Variants in DYNC1H1 observed in about 807,000 individuals in gnomAD.
The protein encoded by DYNC1H1 is dynein cytoplasmic 1 heavy chain 1, also known as cytoplasmic dynein 1 heavy chain 1.
DYNC1H1 carries 51 observed loss-of-function variants against 527.1 expected under a neutral mutation model. That is an observed-to-expected ratio of 0.10 (90% CI 0.08 to 0.12). The LOEUF (loss-of-function observed/expected upper bound fraction) is 0.12. DYNC1H1 is among the 10% of genes least tolerant of loss of function. DYNC1H1 has a pLI of 1.00. For missense variants in DYNC1H1, 2,771 were observed against 5,971.8 expected, an observed-to-expected ratio of 0.46 and a Z score of 17.66; for synonymous variants, 2,189 against 2,278.8, an observed-to-expected ratio of 0.96 and a Z score of 1.12.
chr14:101,983,564 G>A lies in DYNC1H1; in HGVS notation c.1416G>A (p.Gln472=). ...ACCAGATGAGAAAATTTAGACGCCA[G>A]CATGAACAGCTAAGAGCTGTTATCG... The part of the protein sequence containing the change: ...RLDQMRKFRR[Q]HEQLRAVIVR... Residue 472 remains glutamine (Q), a synonymous_variant, in exon 7 of 78, where the codon CAG becomes CAA. Transcript: ENST00000360184. This position sits in a 1 kb window ranked among gnomAD's most constrained non-coding sequence, Gnocchi z 5.3. 1.2e-6 allele frequency: 2 copies of A among 1,614,182 alleles called. No homozygotes were observed. The highest frequency in any genetic ancestry group is 1.1e-5 in the South Asian group (1 of 91,072).
intron 1 of DYNC1H1, 128 bp from the exon 2 acceptor site, chr14:101,975,584 G>T: frequency 1.2e-6 from 1 of 835,674 alleles, no homozygotes; most frequent in Non-Finnish European, 2.0e-6. Flanking sequence ...GGGAAAAATA[G>T]TGCCAAGTCA....
At position 102,017,728 on chromosome 14, in the gene DYNC1H1, A is replaced by G. The variant is rs1406254533; in HGVS notation, c.8177+224A>G. 5 of 765,292 alleles carry G rather than the reference A, an allele frequency of 6.5e-6. No individual in the cohort carries two copies. Among genetic ancestry groups the G allele is most frequent in the Non-Finnish European group, 1.0e-5 (5 of 493,650 alleles). 47.4% of individuals were successfully genotyped at this position (765,292 alleles called of 1,614,324 possible). Reference sequence around the variant, plus strand: ...ACGCCTATAATCCCAGCACTTTGGGAGGCCGAGGCGGGCGGATCACGAGGT... The same window carrying G: ...ACGCCTATAATCCCAGCACTTTGGGGGGCCGAGGCGGGCGGATCACGAGGT... On this transcript the variant is annotated intron_variant, in intron 40 of 77. Transcript: ENST00000360184. The surrounding 1 kb of genome is among the most constrained non-coding windows in gnomAD (Gnocchi z 4.6).
In DYNC1H1 at chr14:102,044,352, C is replaced by T. The variant is rs770105370; in HGVS notation, c.12763C>T (p.Arg4255Cys). 4 of 1,610,696 alleles carry T rather than the reference C, an allele frequency of 2.5e-6. No individual in the cohort carries two copies. The highest frequency in any genetic ancestry group is 3.4e-6 in the Non-Finnish European group (4 of 1,179,182). Reference sequence around the variant, plus strand: ...AATGGCCCAGTCCATTTATGGCGGGCGCGTGGACAACGAGTTTGACCAGCG... The same window carrying T: ...AATGGCCCAGTCCATTTATGGCGGGTGCGTGGACAACGAGTTTGACCAGCG... ...TLMAQSIYGGRVDNEFDQRLL... is the reference protein window; with the variant it reads ...TLMAQSIYGGCVDNEFDQRLL... The change falls in exon 71 of 78, where the codon CGC (arginine) becomes TGC (cysteine). Residue 4255 changes from arginine (R) to cysteine (C), a missense_variant. By Grantham distance (180) the Arg-to-Cys change is radical (BLOSUM62 -3). This residue lies in a region of DYNC1H1 where 195 missense variants were observed against 428.6 expected (regional missense o/e 0.45). Transcript: ENST00000360184. This position sits in a 1 kb window ranked among gnomAD's most constrained non-coding sequence, Gnocchi z 7.1.
At chr14:102,045,997 T>C (rs1275555542) in intron 72 of DYNC1H1, among the ~76,000 whole-genome samples, 1 of 151,844 alleles carries the variant, frequency 6.6e-6, no homozygotes, top group African/African-American at 2.4e-5. Context: ...AAACCCCGTC[T>C]CTACTAAAAA....
chr14:102,011,773 A>C lies in DYNC1H1; in HGVS notation c.6619-102A>C. ...TTTCAGGAAAAAAAAAAAAATCCAC[A>C]CATAATGTTTCTTGCTCACTTTCAC... On this transcript the variant is annotated intron_variant, in intron 32 of 77. Coordinates refer to ENST00000360184, the MANE Select transcript of DYNC1H1 (RefSeq NM_001376.5). The surrounding 1 kb of genome is among the most constrained non-coding windows in gnomAD (Gnocchi z 5.3). 3.1e-6 allele frequency: 4 copies of C among 1,290,868 alleles called. No homozygotes were observed. The highest frequency in any genetic ancestry group is 1.8e-5 in the Admixed American group (1 of 55,750). 80.0% of individuals were successfully genotyped at this position (1,290,868 alleles called of 1,614,324 possible).
rs566389378 is a variant in DYNC1H1 at position 102,040,739 on chromosome 14, T to G, written c.11941+66T>G. The G allele has an allele frequency of 5.7e-6, 9 of 1,578,466 alleles. No individual in the cohort carries two copies. The Admixed American group carries it at 8.3e-5, about 15-fold the overall frequency. On this transcript the variant is annotated intron_variant, in intron 64 of 77. Coordinates refer to ENST00000360184, the MANE Select transcript of DYNC1H1 (RefSeq NM_001376.5). ...AGTTGGGTTTTGCTGCTTAAAGGGATGCTTTCAAAAAACACAAAGTTACTA... is the reference window on the plus strand; with the variant it reads ...AGTTGGGTTTTGCTGCTTAAAGGGAGGCTTTCAAAAAACACAAAGTTACTA...
At chr14:101,991,800 G>A (rs1178101948) in intron 11 of DYNC1H1, 127 bp downstream of exon 11, 2 of 1,345,124 alleles carry the variant, frequency 1.5e-6, no homozygotes, top group East Asian at 2.4e-5. Flanking sequence ...GACATCCCAG[G>A]GGAAAGTTAG....
At chr14:101,966,512 G>T (rs1018295623) in intron 1 of DYNC1H1, among the ~76,000 whole-genome samples, 3 of 151,430 alleles carry the variant, frequency 2.0e-5, no homozygotes, top group African/African-American at 7.3e-5. Context: ...GGAATTGTTT[G>T]ACCCAGATAT....
chr14:102,048,274 C>A, intron 73 of DYNC1H1: 1 of 714,822 alleles, frequency 1.4e-6, no homozygotes, highest in Non-Finnish European at 2.3e-6. Context: ...CGAGCAGCCG[C>A]AGCCCTTCCT....
At chr14:101,968,800 G>T (rs1012067407) in intron 1 of DYNC1H1, among the ~76,000 whole-genome samples, 19 of 152,160 alleles carry the variant, frequency 1.2e-4, no homozygotes, top group African/African-American at 4.6e-4. Context: ...GGACACAAGT[G>T]ATCCTGCTAC....
Position 102,012,183 on chromosome 14 carries a change from C to T in DYNC1H1, c.6857+70C>T. 1.2e-6 allele frequency: 2 copies of T among 1,610,440 alleles called. No homozygotes were observed. Among genetic ancestry groups the T allele is most frequent in the Non-Finnish European group, 1.7e-6 (2 of 1,176,938 alleles). ...GCTAAGTACTTTGCTCTCACAAGAGCAGAGTATACGTTATTTTTCAACCAA... is the reference window on the plus strand; with the variant it reads ...GCTAAGTACTTTGCTCTCACAAGAGTAGAGTATACGTTATTTTTCAACCAA... On this transcript the variant is annotated intron_variant, in intron 33 of 77. Transcript: ENST00000360184. The surrounding 1 kb of genome is among the most constrained non-coding windows in gnomAD (Gnocchi z 4.9).
At position 102,049,524 on chromosome 14, in the gene DYNC1H1, T is replaced by G; in HGVS notation, c.13457T>G (p.Ile4486Ser). 1 of 1,613,978 alleles carries G rather than the reference T, an allele frequency of 6.2e-7. No individual in the cohort carries two copies. Among genetic ancestry groups the G allele is most frequent in the Non-Finnish European group, 8.5e-7 (1 of 1,179,996 alleles). Residue 4486 changes from isoleucine (I) to serine (S), a missense_variant, in exon 75 of 78, where the codon ATC (isoleucine) becomes AGC (serine). By Grantham distance (142) the Ile-to-Ser change is moderately radical. Coordinates refer to ENST00000360184, the MANE Select transcript of DYNC1H1 (RefSeq NM_001376.5). This position sits in a 1 kb window ranked among gnomAD's most constrained non-coding sequence, Gnocchi z 5.5. ...TGGGTGTCCGACTTCAGCGAGAGGA[T>G]CAAACAGCTGCAGAACATCTCACTG... ...IQWVSDFSER[I>S]KQLQNISLAA...
intron 25 of DYNC1H1, 44 bp downstream of exon 25, chr14:102,004,994 A>G: frequency 6.2e-7 from 1 of 1,614,220 alleles, no homozygotes; most frequent in Non-Finnish European, 8.5e-7. Flanking sequence ...GAAAACGCAG[A>G]CCAATCTTTA....
In DYNC1H1 at chr14:102,049,167, G is replaced by C. The variant is rs10136116; in HGVS notation, c.13373-273G>C. ...TGAGGTTTTAGCCGCGGTTTTGCTTGGATGTGATTATGGTCCTCCAGAAAG... is the reference window on the plus strand; with the variant it reads ...TGAGGTTTTAGCCGCGGTTTTGCTTCGATGTGATTATGGTCCTCCAGAAAG... On this transcript the variant is annotated intron_variant, in intron 74 of 77. Transcript: ENST00000360184. The surrounding 1 kb of genome is among the most constrained non-coding windows in gnomAD (Gnocchi z 5.5). 0.1 allele frequency: 52,962 copies of C among 529,004 alleles called. 3,706 individuals are homozygous for C. Among genetic ancestry groups the C allele is most frequent in the African/African-American group, 0.26 (13,673 of 52,244 alleles). The allele number at this position is 529,004 out of a possible 1,614,324, so 32.8% of individuals were successfully genotyped here. A position where few individuals can be genotyped will look rare whatever the true frequency, so the allele number is the denominator to read the frequency against.
Position 102,017,516 on chromosome 14 carries a change from C to T in DYNC1H1, c.8177+12C>T, listed in dbSNP as rs367551573. 40 of 1,613,386 alleles carry T rather than the reference C, an allele frequency of 2.5e-5. No homozygotes were observed. The highest frequency in any genetic ancestry group is 3.3e-5 in the Admixed American group (2 of 59,926). The stretch of plus-strand genomic sequence containing the variant: ...CCCCTCTCACACAGGTAAAACAGCT[C>T]GGTAGACTGCTCTGCTTCACACACG... On this transcript the variant is annotated intron_variant, in intron 40 of 77. Coordinates refer to ENST00000360184, the MANE Select transcript of DYNC1H1 (RefSeq NM_001376.5). The surrounding 1 kb of genome is among the most constrained non-coding windows in gnomAD (Gnocchi z 4.6).
chr14:101,983,605 C>G lies in DYNC1H1; in HGVS notation c.1457C>G (p.Pro486Arg). 6.2e-7 allele frequency: 1 copy of G among 1,613,714 alleles called. No homozygotes were observed. Among genetic ancestry groups the G allele is most frequent in the Non-Finnish European group, 8.5e-7 (1 of 1,179,846 alleles). Residue 486 changes from proline to arginine, a missense_variant, in exon 7 of 78, where the codon CCA (proline) becomes CGA (arginine). Physicochemically the swap from Pro to Arg is moderately radical, Grantham distance 103 (BLOSUM62 -2). Coordinates refer to ENST00000360184, the MANE Select transcript of DYNC1H1 (RefSeq NM_001376.5). The surrounding 1 kb of genome is among the most constrained non-coding windows in gnomAD (Gnocchi z 5.3). Reference protein sequence around the residue: ...LRAVIVRVLRPQVTAVAQQNQ... With the variant: ...LRAVIVRVLRRQVTAVAQQNQ... ...GCTGTTATCGTCAGGGTCCTGAGGC[C>G]ACAGGTAAGATTTGCATTCTAAAAG...
chr14:101,964,712 C>G lies in DYNC1H1; in HGVS notation c.21C>G (p.Gly7=), dbSNP rs1310676460. ...ACACCATGTCGGAGCCCGGGGGCGG[C>G]GGCGGCGAGGACGGCTCGGCCGGAT... MSEPGG[G]GGEDGSAGLE... The change falls in exon 1 of 78, where the codon GGC becomes GGG. Residue 7 remains glycine, a synonymous_variant. Transcript: ENST00000360184. The surrounding 1 kb of genome is among the most constrained non-coding windows in gnomAD (Gnocchi z 5.5). 4 of 1,596,376 alleles carry G rather than the reference C, an allele frequency of 2.5e-6. No individual in the cohort carries two copies. In the South Asian group the frequency reaches 4.4e-5, roughly 18 times the overall value.
rs2048623810 is a variant in DYNC1H1 at position 102,039,828 on chromosome 14, CTCTT to C, written c.11690+98_11690+101del. The C allele has an allele frequency of 8.1e-7, 1 of 1,236,824 alleles. No individual in the cohort carries two copies. Among genetic ancestry groups the C allele is most frequent in the East Asian group, 2.7e-5 (1 of 37,222 alleles). The allele number at this position is 1,236,824 out of a possible 1,614,324, so 76.6% of individuals were successfully genotyped here. On this transcript the variant is annotated intron_variant, in intron 62 of 77. Coordinates refer to ENST00000360184, the MANE Select transcript of DYNC1H1 (RefSeq NM_001376.5). This position sits in a 1 kb window ranked among gnomAD's most constrained non-coding sequence, Gnocchi z 7.0. ...ATGCTTTTATTATTTCTTTTATTTT[CTCTT>C]TTATTTTCTTTATTTTATTTTTTGA...
At position 102,041,620 on chromosome 14, in the gene DYNC1H1, C is replaced by G. The variant is rs760736093; in HGVS notation, c.11988C>G (p.Phe3996Leu). 1 of 1,614,108 alleles carries G rather than the reference C, an allele frequency of 6.2e-7. No homozygotes were observed. The part of the protein sequence containing the change: ...AIHRLLLIQA[F>L]RPDRLLAMAH... The stretch of plus-strand genomic sequence containing the variant: ...ACCGCCTGCTCCTGATCCAGGCTTT[C>G]CGGCCCGATCGCCTGTTGGCCATGG... The change falls in exon 65 of 78, where the codon TTC (phenylalanine) becomes TTG (leucine). Residue 3996 changes from phenylalanine to leucine, a missense_variant. By Grantham distance (22) the Phe-to-Leu change is conservative (BLOSUM62 0). Around this residue, in one of 32 missense-constraint regions of DYNC1H1, gnomAD observed 120 missense variants for 161.9 expected, o/e 0.74. Transcript: ENST00000360184. This position sits in a 1 kb window ranked among gnomAD's most constrained non-coding sequence, Gnocchi z 4.5.
Sources: gnomAD v4.1 joint callset for allele counts (sites outside exome capture counted in the v4.1 genomes callset) on GRCh38, gnomAD v4.1.1 for gene constraint, gnomAD v4.1.1 regional missense constraint, Gnocchi (gnomAD v3.1) non-coding constraint, MANE v1.5 for transcripts, NCBI Gene and HGNC (gene_info 2026-07-23, HGNC 2026-07-21) for gene names.